PLD3: variants seen among roughly 807,000 people sequenced by gnomAD.
PLD3 encodes the protein phospholipase D family member 3.
A neutral mutation model predicts 58.4 loss-of-function variants in PLD3; 31 were observed. That is an observed-to-expected ratio of 0.53 (90% CI 0.40 to 0.72). The LOEUF is 0.72. PLD3 is among the 30% of genes least tolerant of loss of function. The pLI is 0.00. For synonymous variants in PLD3, 264 were observed against 273.4 expected, an observed-to-expected ratio of 0.97 and a Z score of 0.34; for missense variants, 595 against 659.8, an observed-to-expected ratio of 0.90 and a Z score of 1.08.
At chr19:40,349,363 A>G (rs1600240713) in intron 1 of PLD3, among the ~76,000 whole-genome samples, 1 of 152,034 alleles carries the variant, frequency 6.6e-6, no homozygotes, top group South Asian at 2.1e-4. Context: ...AGTTTTCCCC[A>G]TAAGGAGCCA....
At chr19:40,366,386 C>T in intron 2 of PLD3, 33 bp from the exon 3 acceptor site, 2 of 993,410 alleles carry the variant, frequency 2.0e-6, no homozygotes, top group Non-Finnish European at 3.3e-6. Flanking sequence ...AAGCGTAGAA[C>T]ACCCCACACA....
At chr19:40,377,592 T>C (rs2079266394) in intron 11 of PLD3, among the ~76,000 whole-genome samples, 194 bp from the exon 12 acceptor site, 1 of 151,942 alleles carries the variant, frequency 6.6e-6, no homozygotes, top group South Asian at 2.1e-4. Context: ...GTTTTGCAAA[T>C]GAGACCACCG....
At chr19:40,376,236 T>C (rs1407479410) in intron 10 of PLD3, 1 of 185,742 alleles carries the variant, frequency 5.4e-6, no homozygotes. Context: ...ATGCCTGTAA[T>C]CCTAGCTACC....
intron 6 of PLD3, among the ~76,000 whole-genome samples, chr19:40,368,750 C>T (rs936846700): frequency 1.3e-5 from 2 of 151,806 alleles, no homozygotes; most frequent in Admixed American, 6.6e-5. Context: ...CTCCCCTCAA[C>T]CATCTCTACT....
At chr19:40,351,431 G>T (rs2078512475) in intron 1 of PLD3, among the ~76,000 whole-genome samples, 1 of 151,906 alleles carries the variant, frequency 6.6e-6, no homozygotes. Context: ...TGTAATCCCA[G>T]CTATTCAGGA....
intron 1 of PLD3, among the ~76,000 whole-genome samples, chr19:40,353,250 T>C (rs568789858): frequency 6.6e-6 from 1 of 152,152 alleles, no homozygotes; most frequent in South Asian, 2.1e-4. Context: ...GCCAATATGG[T>C]GAAACACTGT....
chr19:40,357,755 A>G (rs2078687463), intron 1 of PLD3: 1 of 152,222 alleles, frequency 6.6e-6, no homozygotes, highest in Non-Finnish European at 1.5e-5. Flanking sequence ...AGACACGGAC[A>G]TAGCAAGGGA....
intron 1 of PLD3, chr19:40,356,884 G>A (rs1384801780): frequency 6.6e-6 from 1 of 152,246 alleles, no homozygotes; most frequent in South Asian, 2.1e-4. Flanking sequence ...GGGAGCCACA[G>A]AAGGATTTTG....
At chr19:40,361,886 C>T (rs532330826) in intron 1 of PLD3, among the ~76,000 whole-genome samples, 9 of 151,758 alleles carry the variant, frequency 5.9e-5, no homozygotes, top group Admixed American at 1.3e-4. Flanking sequence ...TTGTCGCCCA[C>T]GCTGGAGTGC....
chr19:40,377,602 G>GGGGC (rs1005590579), intron 11 of PLD3, among the ~76,000 whole-genome samples, 184 bp from the exon 12 acceptor site: 9 of 151,958 alleles, frequency 5.9e-5, no homozygotes, highest in Admixed American at 1.3e-4. Flanking sequence ...TGAGACCACC[G>GGGGC]GGGCCTCCCT....
At chr19:40,376,107 G>A (rs1236287182) in intron 10 of PLD3, among the ~76,000 whole-genome samples, 1 of 151,826 alleles carries the variant, frequency 6.6e-6, no homozygotes, top group Non-Finnish European at 1.5e-5. Context: ...TGTAATCCCA[G>A]CACTTTGGGA....
chr19:40,365,474 T>G (rs528388702), intron 1 of PLD3: 1 of 152,382 alleles, frequency 6.6e-6, no homozygotes, highest in South Asian at 2.1e-4. Context: ...CTTTCTTCAT[T>G]CTGTTATTCA....
In PLD3 at chr19:40,374,570, C is replaced by T. The variant is rs369989744; in HGVS notation, c.969C>T (p.Tyr323=). The part of the protein sequence containing the change: ...NVVDNARSFI[Y]VAVMNYLPTL... ...TGGACAATGCCCGGAGTTTCATCTACGTCGCTGTCATGAACTACCTGCCCA... is the reference window on the plus strand; with the variant it reads ...TGGACAATGCCCGGAGTTTCATCTATGTCGCTGTCATGAACTACCTGCCCA... Residue 323 remains tyrosine, a synonymous_variant, in exon 10 of 13, where the codon TAC becomes TAT. Coordinates refer to ENST00000409735, the MANE Select transcript of PLD3 (RefSeq NM_012268.4). 87 of 1,614,078 alleles carry T rather than the reference C, an allele frequency of 5.4e-5. No homozygotes were observed. The highest frequency in any genetic ancestry group is 9.3e-5 in the African/African-American group (7 of 74,928).
intron 1 of PLD3, among the ~76,000 whole-genome samples, chr19:40,355,198 TC>T (rs1177026577): frequency 6.6e-6 from 1 of 152,176 alleles, no homozygotes; most frequent in Middle Eastern, 3.4e-3. Flanking sequence ...ACTGTCTCCC[TC>T]CCCTGCTTTA....
At chr19:40,350,026 C>T (rs1337242417) in intron 1 of PLD3, among the ~76,000 whole-genome samples, 12 of 149,088 alleles carry the variant, frequency 8.0e-5, no homozygotes, top group South Asian at 2.1e-4. Context: ...TTTGGGAGGC[C>T]GAGGCGGGCG....
intron 6 of PLD3, among the ~76,000 whole-genome samples, chr19:40,369,546 A>G (rs1039375972): frequency 2.0e-5 from 3 of 152,102 alleles, no homozygotes; most frequent in African/African-American, 7.2e-5. Context: ...TGTTGTTGGC[A>G]TCATCGTGCC....
chr19:40,376,872 G>C lies in PLD3; in HGVS notation c.1185+98G>C, dbSNP rs548474624. 21 of 1,164,220 alleles carry C rather than the reference G, an allele frequency of 1.8e-5. No homozygotes were observed. The African/African-American group carries it at 2.7e-4, about 15-fold the overall frequency. The allele number at this position is 1,164,220 out of a possible 1,614,324, so 72.1% of individuals were successfully genotyped here. A position where few individuals can be genotyped will look rare whatever the true frequency, so the allele number is the denominator to read the frequency against. On this transcript the variant is annotated intron_variant, in intron 11 of 12. Coordinates refer to ENST00000409735, the MANE Select transcript of PLD3 (RefSeq NM_012268.4). ...GTCTGTCAATGACAAGGGCAGCCCA[G>C]AGTGAGCCCTGTCACTGTGGGGAAA...
chr19:40,378,413 C>T lies in PLD3; in HGVS notation c.*240C>T. ...AAATGGGGGTGCATGCTGGGCCTGG[C>T]CCCCTGGCCCACCCCCACTTTCCAG... On this transcript the variant is annotated 3_prime_UTR_variant, in exon 13 of 13. Coordinates refer to ENST00000409735, the MANE Select transcript of PLD3 (RefSeq NM_012268.4). 1.6e-6 allele frequency: 1 copy of T among 610,534 alleles called. No individual in the cohort carries two copies. Among genetic ancestry groups the T allele is most frequent in the Admixed American group, 2.8e-5 (1 of 35,706 alleles). 37.8% of individuals were successfully genotyped at this position (610,534 alleles called of 1,614,324 possible).
intron 5 of PLD3, chr19:40,367,487 G>T: frequency 2.0e-6 from 1 of 495,566 alleles, no homozygotes; most frequent in Non-Finnish European, 3.6e-6. Flanking sequence ...AGGTTGAGGC[G>T]GGAGGATCGC....
Sources: allele counts gnomAD v4.1 joint callset (sites outside exome capture counted in the v4.1 genomes callset), GRCh38; gene constraint gnomAD v4.1.1; transcripts MANE v1.5; gene names NCBI Gene and HGNC (gene_info 2026-07-23, HGNC 2026-07-21).